ADGRB3: variants seen among roughly 807,000 people sequenced by gnomAD.
The protein encoded by ADGRB3 is brain-specific angiogenesis inhibitor 3.
In ADGRB3, 37 loss-of-function variants were observed where a neutral mutation model predicts 193.4. The ratio of observed to expected loss-of-function variants is 0.19; its 90% CI spans 0.15 to 0.25. The LOEUF is 0.25. Ranked by LOEUF, ADGRB3 falls within the 10% of genes least tolerant of loss-of-function variation. The probability of loss-of-function intolerance (pLI) is 1.00; values close to 1 mark genes in which losing one functional copy is unlikely to be tolerated. For missense variants in ADGRB3, 1,637 were observed against 1,852.9 expected, an observed-to-expected ratio of 0.88 and a Z score of 2.14; for synonymous variants, 690 against 644.2, an observed-to-expected ratio of 1.07 and a Z score of -1.08.
intron 10 of ADGRB3, among the ~76,000 whole-genome samples, chr6:68,988,979 G>T (rs1342655771): frequency 6.6e-6 from 1 of 152,068 alleles, no homozygotes; most frequent in Non-Finnish European, 1.5e-5. Flanking sequence ...TGCATAAATT[G>T]ATTCAGGACC....
intron 3 of ADGRB3, among the ~76,000 whole-genome samples, chr6:68,759,025 T>A (rs1240184354): frequency 6.6e-6 from 1 of 152,154 alleles, no homozygotes; most frequent in Non-Finnish European, 1.5e-5. Context: ...TGGTAGGCCA[T>A]GAACTCTAGA....
At chr6:69,049,459 T>A (rs964683715) in intron 15 of ADGRB3, 113 bp downstream of exon 15, 2 of 695,798 alleles carry the variant, frequency 2.9e-6, no homozygotes, top group African/African-American at 1.9e-5. Context: ...GGGATTTTTC[T>A]TAAATGAAAT....
At chr6:69,049,434 C>A in intron 15 of ADGRB3, 88 bp downstream of exon 15, 2 of 974,398 alleles carry the variant, frequency 2.1e-6, no homozygotes, top group Non-Finnish European at 3.0e-6. Context: ...GTCAAACAAG[C>A]TGTGGTAATA....
intron 3 of ADGRB3, among the ~76,000 whole-genome samples, chr6:68,810,801 C>A (rs1424371374): frequency 6.6e-6 from 1 of 151,608 alleles, no homozygotes; most frequent in African/African-American, 2.4e-5. Flanking sequence ...ATTATTAGAG[C>A]AAGAAAAATA....
chr6:69,281,425 C>T (rs964391133), intron 20 of ADGRB3, among the ~76,000 whole-genome samples: 3 of 152,100 alleles, frequency 2.0e-5, no homozygotes, highest in Non-Finnish European at 2.9e-5. Context: ...CTGAGAGACC[C>T]TTAAACAATT....
chr6:68,754,193 TTCA>T (rs1766257055), intron 3 of ADGRB3, among the ~76,000 whole-genome samples: 1 of 152,228 alleles, frequency 6.6e-6, no homozygotes, highest in South Asian at 2.1e-4. Flanking sequence ...ATATTTGATC[TTCA>T]TGTTTATCAT....
At chr6:68,848,704 A>G (rs1768338374) in intron 3 of ADGRB3, among the ~76,000 whole-genome samples, 1 of 152,058 alleles carries the variant, frequency 6.6e-6, no homozygotes, top group Non-Finnish European at 1.5e-5. Context: ...AATAGAGCAA[A>G]GGAAAATTTT....
At chr6:69,250,332 A>ATTTTT (rs144785305) in intron 20 of ADGRB3, among the ~76,000 whole-genome samples, 2 of 151,832 alleles carry the variant, frequency 1.3e-5, no homozygotes, top group Non-Finnish European at 2.9e-5. Flanking sequence ...ATTTTTGTTT[A>ATTTTT]TTTTTATTAG....
intron 17 of ADGRB3, among the ~76,000 whole-genome samples, chr6:69,149,295 T>C (rs1207334947): frequency 6.6e-6 from 1 of 151,968 alleles, no homozygotes; most frequent in Non-Finnish European, 1.5e-5. Context: ...CACTAATTCT[T>C]TCTTCTGCTT....
chr6:69,138,944 C>G (rs1199608279), intron 17 of ADGRB3, among the ~76,000 whole-genome samples: 1 of 152,176 alleles, frequency 6.6e-6, no homozygotes, highest in Non-Finnish European at 1.5e-5. Flanking sequence ...GTGCATGACT[C>G]TATTCAGAGT....
At chr6:68,802,966 T>G (rs1429160099) in intron 3 of ADGRB3, among the ~76,000 whole-genome samples, 1 of 152,176 alleles carries the variant, frequency 6.6e-6, no homozygotes, top group Non-Finnish European at 1.5e-5. Context: ...CGACTTATCT[T>G]TCCAATGTTG....
intron 3 of ADGRB3, among the ~76,000 whole-genome samples, chr6:68,903,508 C>T (rs1366370600): frequency 1.3e-5 from 2 of 152,072 alleles, no homozygotes; most frequent in East Asian, 3.9e-4. Flanking sequence ...AACACAATAT[C>T]CCATCAGAAT....
rs1269060456 is a variant in ADGRB3, at chr6:69,058,770, ATTGAG to A, written c.2334-4161_2334-4157del. On this transcript the variant is annotated intron_variant, in intron 15 of 31. Coordinates refer to ENST00000370598, the MANE Select transcript of ADGRB3 (RefSeq NM_001704.3). ...TCAATTTTTCAGTGTTTTTCTTAGT[ATTGAG>A]TTCTAGTTTTATTCCATTGTAGTCG... 7.2e-5 allele frequency among the ~76,000 whole-genome samples: 11 copies of A among 151,966 alleles called. No homozygotes were observed. The East Asian group carries it at 2.1e-3, about 29-fold the overall frequency.
rs912655811 is a variant in ADGRB3 at position 68,900,793 on chromosome 6, C to A, written c.758-29766C>A. ...TCCCCTGGAGCATCAACCAATTGAA[C>A]CATTTCCATCATAGAAGGAACAGTG... On this transcript the variant is annotated intron_variant, in intron 3 of 31. Coordinates refer to ENST00000370598, the MANE Select transcript of ADGRB3 (RefSeq NM_001704.3). 6.6e-5 allele frequency among the ~76,000 whole-genome samples: 10 copies of A among 152,102 alleles called. No individual in the cohort carries two copies. The East Asian group carries it at 1.5e-3, about 23-fold the overall frequency.
chr6:68,703,035 C>T (rs143608578), intron 3 of ADGRB3, among the ~76,000 whole-genome samples: 29 of 152,102 alleles, frequency 1.9e-4, no homozygotes, highest in African/African-American at 6.8e-4. Flanking sequence ...TAAAATGCAT[C>T]AGATATAAGA....
At chr6:68,675,053 T>C (rs1267853905) in intron 3 of ADGRB3, among the ~76,000 whole-genome samples, 1 of 152,128 alleles carries the variant, frequency 6.6e-6, no homozygotes, top group African/African-American at 2.4e-5. Flanking sequence ...CTTCAATATG[T>C]ATTGCGAATA....
At chr6:68,810,192 G>A (rs927572044) in intron 3 of ADGRB3, among the ~76,000 whole-genome samples, 9 of 152,094 alleles carry the variant, frequency 5.9e-5, no homozygotes, top group African/African-American at 2.2e-4. Flanking sequence ...TTTACTCCTG[G>A]TATTGACCAG....
At chr6:68,970,091 C>T (rs754084685) in intron 8 of ADGRB3, among the ~76,000 whole-genome samples, 1 of 152,094 alleles carries the variant, frequency 6.6e-6, no homozygotes, top group Non-Finnish European at 1.5e-5. Context: ...TTTATTGTAC[C>T]GCACACTGCC....
intron 5 of ADGRB3, among the ~76,000 whole-genome samples, chr6:68,937,002 A>G (rs190489916): frequency 8.7e-4 from 132 of 152,306 alleles, no homozygotes; most frequent in Non-Finnish European, 2.9e-5. Flanking sequence ...TGCTTGAGGA[A>G]AAATGTAATC....
Sources: gnomAD v4.1 joint callset for allele counts (sites outside exome capture counted in the v4.1 genomes callset) on GRCh38, gnomAD v4.1.1 for gene constraint, MANE v1.5 for transcripts, NCBI Gene and HGNC (gene_info 2026-07-23, HGNC 2026-07-21) for gene names.